Variants in SLC35F3 observed in about 807,000 individuals in gnomAD.
SLC35F3 encodes putative thiamine transporter SLC35F3.
In SLC35F3, 25 loss-of-function variants were observed where a neutral mutation model predicts 49.9. The observed-to-expected ratio is 0.50, with a 90% CI of 0.37 to 0.70. SLC35F3 has a LOEUF of 0.70. SLC35F3 is among the 30% of genes least tolerant of loss of function. The probability of loss-of-function intolerance (pLI) is 0.00; values close to 1 mark genes in which losing one functional copy is unlikely to be tolerated. For missense variants in SLC35F3, 525 were observed against 639.8 expected (o/e 0.82, Z 1.94); for synonymous variants, 275 against 265.4 (o/e 1.04, Z -0.35).
chr1:234,067,724 C>T (rs987217828), intron 2 of SLC35F3, among the ~76,000 whole-genome samples: 18 of 152,164 alleles, frequency 1.2e-4, no homozygotes, highest in Admixed American at 5.2e-4. Context: ...CCACCTAGCC[C>T]GAGCTGAGCC....
intron 2 of SLC35F3, among the ~76,000 whole-genome samples, chr1:233,929,660 G>C (rs1256303706): frequency 1.3e-5 from 2 of 152,152 alleles, no homozygotes; most frequent in African/African-American, 4.8e-5. Context: ...TTGGAAATGA[G>C]AGGAATGACC....
intron 2 of SLC35F3, among the ~76,000 whole-genome samples, chr1:234,138,038 A>G (rs912650647): frequency 6.6e-6 from 1 of 152,208 alleles, no homozygotes; most frequent in Non-Finnish European, 1.5e-5. Flanking sequence ...AGCACTTTGA[A>G]AAAAGGAGTT....
At chr1:234,051,773 G>A (rs1208280916) in intron 2 of SLC35F3, among the ~76,000 whole-genome samples, 1 of 152,038 alleles carries the variant, frequency 6.6e-6, no homozygotes, top group Non-Finnish European at 1.5e-5. Context: ...ATTGGCTGTG[G>A]GTTTGTCATA....
At chr1:234,241,120 C>A (rs1572110622) in intron 3 of SLC35F3, among the ~76,000 whole-genome samples, 1 of 152,196 alleles carries the variant, frequency 6.6e-6, no homozygotes, top group Admixed American at 6.5e-5. Context: ...CTTTTCTTTT[C>A]TGCTGGCACC....
At chr1:234,262,570 C>G (rs10752780) in intron 3 of SLC35F3, among the ~76,000 whole-genome samples, 36,506 of 152,034 alleles carry the variant, frequency 0.24, 4,579 homozygotes, top group South Asian at 0.28. Flanking sequence ...GTTTTTATTA[C>G]TCCCTTCCTG....
At chr1:234,276,162 C>T (rs998786035) in intron 3 of SLC35F3, among the ~76,000 whole-genome samples, 1 of 152,110 alleles carries the variant, frequency 6.6e-6, no homozygotes, top group Non-Finnish European at 1.5e-5. Flanking sequence ...TATTTTAATG[C>T]AACAGAAATC....
At chr1:234,192,622 G>A (rs1334837530) in intron 2 of SLC35F3, among the ~76,000 whole-genome samples, 1 of 152,070 alleles carries the variant, frequency 6.6e-6, no homozygotes, top group Non-Finnish European at 1.5e-5. Context: ...ACAAATAAAG[G>A]ACATCCAGAT....
chr1:234,308,928 A>T (rs1657277750), intron 3 of SLC35F3, among the ~76,000 whole-genome samples, 173 bp from the exon 4 acceptor site: 2 of 152,144 alleles, frequency 1.3e-5, no homozygotes, highest in African/African-American at 4.8e-5. Flanking sequence ...GTTTCAGTGG[A>T]CTAAAGCAAT....
At chr1:234,301,181 A>G (rs982752450) in intron 3 of SLC35F3, among the ~76,000 whole-genome samples, 1 of 152,214 alleles carries the variant, frequency 6.6e-6, no homozygotes, top group Admixed American at 6.5e-5. Context: ...CTTTAAAACC[A>G]TGACAATAGA....
chr1:234,061,137 C>G (rs577917416), intron 2 of SLC35F3, among the ~76,000 whole-genome samples: 3 of 152,070 alleles, frequency 2.0e-5, no homozygotes, highest in Non-Finnish European at 4.4e-5. Flanking sequence ...TTTAGTACTT[C>G]TCGTAAGTCT....
At chr1:234,147,918 A>G (rs1302470941) in intron 2 of SLC35F3, among the ~76,000 whole-genome samples, 1 of 152,202 alleles carries the variant, frequency 6.6e-6, no homozygotes, top group African/African-American at 2.4e-5. Context: ...CCGGTGATGC[A>G]GATGCTGTTG....
At chr1:234,187,910 G>T (rs977935076) in intron 2 of SLC35F3, among the ~76,000 whole-genome samples, 1 of 152,138 alleles carries the variant, frequency 6.6e-6, no homozygotes, top group African/African-American at 2.4e-5. Context: ...CTCCGGGTAG[G>T]GCATGAATCT....
intron 2 of SLC35F3, among the ~76,000 whole-genome samples, chr1:233,958,761 G>C (rs906034858): frequency 1.3e-5 from 2 of 152,328 alleles, no homozygotes; most frequent in East Asian, 3.9e-4. Flanking sequence ...GTGATGTTTG[G>C]AGAGGAGAGA....
chr1:234,313,026 C>T (rs901803539), intron 4 of SLC35F3, among the ~76,000 whole-genome samples: 3 of 152,012 alleles, frequency 2.0e-5, no homozygotes, highest in Non-Finnish European at 4.4e-5. Flanking sequence ...CAGGGGCATG[C>T]CACCACACCC....
chr1:234,166,135 A>T (rs1439125772), intron 2 of SLC35F3, among the ~76,000 whole-genome samples: 1 of 152,132 alleles, frequency 6.6e-6, no homozygotes, highest in Non-Finnish European at 1.5e-5. Flanking sequence ...ATGTCTTTGC[A>T]ACTGTGAACT....
rs879438246 is a variant in SLC35F3 at position 234,204,211 on chromosome 1, GA to G, written c.284-27197del. Among the ~76,000 whole-genome samples the G allele has an allele frequency of 4.1e-5, 6 of 148,100 alleles. No individual in the cohort carries two copies. The South Asian group carries it at 6.4e-4, about 16-fold the overall frequency. Reference sequence around the variant, plus strand: ...TATATTCACATCAGTTTATTTTTTAGAAAAAAAAATAGAAACGGTGAATAAG... The same window carrying G: ...TATATTCACATCAGTTTATTTTTTAGAAAAAAAATAGAAACGGTGAATAAG... On this transcript the variant is annotated intron_variant, in intron 2 of 7. Coordinates refer to ENST00000366618, the MANE Select transcript of SLC35F3 (RefSeq NM_173508.4).
intron 2 of SLC35F3, among the ~76,000 whole-genome samples, chr1:234,037,144 C>T (rs1369084500): frequency 6.6e-6 from 1 of 152,168 alleles, no homozygotes; most frequent in East Asian, 1.9e-4. Flanking sequence ...ATTCTGTAGG[C>T]TGTACATAAA....
At chr1:233,912,758 T>G (rs551750332) in intron 2 of SLC35F3, among the ~76,000 whole-genome samples, 2 of 152,282 alleles carry the variant, frequency 1.3e-5, no homozygotes, top group South Asian at 4.1e-4. Context: ...GGTTCAAGAT[T>G]TCATCATGCA....
At chr1:234,245,654 G>A (rs1667620326) in intron 3 of SLC35F3, among the ~76,000 whole-genome samples, 1 of 152,198 alleles carries the variant, frequency 6.6e-6, no homozygotes, top group Non-Finnish European at 1.5e-5. Flanking sequence ...GCTGGAGGGG[G>A]CAACTCAACA....
Sources: allele counts gnomAD v4.1 joint callset (sites outside exome capture counted in the v4.1 genomes callset), GRCh38; gene constraint gnomAD v4.1.1; transcripts MANE v1.5; gene names NCBI Gene and HGNC (gene_info 2026-07-23, HGNC 2026-07-21).